WDFY4: variants seen among roughly 807,000 people sequenced by gnomAD.
WDFY4 encodes the protein WD repeat- and FYVE domain-containing protein 4.
A neutral mutation model predicts 351.9 loss-of-function variants in WDFY4; 169 were observed. That is an observed-to-expected ratio of 0.48 (90% CI 0.42 to 0.55). The LOEUF (loss-of-function observed/expected upper bound fraction) is 0.55, where lower values mean the gene tolerates loss of function less well. Ranked by LOEUF, WDFY4 falls within the 20% of genes least tolerant of loss-of-function variation. The probability of loss-of-function intolerance (pLI) is 0.00; values close to 1 mark genes in which losing one functional copy is unlikely to be tolerated. For synonymous variants in WDFY4, 1,622 were observed against 1,574.6 expected (o/e 1.03, Z -0.71); for missense variants, 3,803 against 3,935.6 (o/e 0.97, Z 0.90).
At chr10:48,824,480 G>C (rs911996905) in intron 35 of WDFY4, among the ~76,000 whole-genome samples, 1 of 152,032 alleles carries the variant, frequency 6.6e-6, no homozygotes, top group Middle Eastern at 3.4e-3. Context: ...CAGAAATCTC[G>C]GGTCACCAAA....
intron 39 of WDFY4, among the ~76,000 whole-genome samples, chr10:48,832,980 G>A (rs991220470): frequency 6.6e-6 from 1 of 152,152 alleles, no homozygotes; most frequent in African/African-American, 2.4e-5. Context: ...CAGCAAAGGT[G>A]GACAGAAACA....
At chr10:48,956,018 A>C (rs1034684870) in intron 51 of WDFY4, among the ~76,000 whole-genome samples, 1 of 152,204 alleles carries the variant, frequency 6.6e-6, no homozygotes, top group Non-Finnish European at 1.5e-5. Flanking sequence ...CCAAGGCTCA[A>C]TTTCAGAAAC....
At chr10:48,932,828 C>T (rs2377631) in intron 47 of WDFY4, among the ~76,000 whole-genome samples, 35,502 of 151,910 alleles carry the variant, frequency 0.23, 4,632 homozygotes, top group East Asian at 0.56. Flanking sequence ...TCTGAGAAAG[C>T]GACATCTGAG....
intron 54 of WDFY4, 24 bp from the exon 55 acceptor site, chr10:48,966,502 T>G: frequency 1.9e-6 from 3 of 1,547,828 alleles, no homozygotes; most frequent in Non-Finnish European, 2.6e-6. Context: ...TCCCCTCATG[T>G]GTGTCTGTTC....
At chr10:48,852,694 A>G (rs994379319) in intron 39 of WDFY4, among the ~76,000 whole-genome samples, 15 of 152,018 alleles carry the variant, frequency 9.9e-5, no homozygotes, top group African/African-American at 3.6e-4. Context: ...CCTCATCCCC[A>G]TCTGCAGCCA....
rs537633832 is a variant in WDFY4 at position 48,852,223 on chromosome 10, G to C, written c.6664-15042G>C. ...CCAGTGGGAAGGTGGAGATACACCGGGTGGAAATACATGAGAGAAAGACGC... is the reference window on the plus strand; with the variant it reads ...CCAGTGGGAAGGTGGAGATACACCGCGTGGAAATACATGAGAGAAAGACGC... On this transcript the variant is annotated intron_variant, in intron 39 of 61. Transcript: ENST00000325239. 1.2e-4 allele frequency among the ~76,000 whole-genome samples: 18 copies of C among 152,214 alleles called. No homozygotes were observed. In the East Asian group the frequency reaches 3.5e-3, roughly 29 times the overall value.
At chr10:48,696,465 G>T (rs570887081) in intron 1 of WDFY4, among the ~76,000 whole-genome samples, 3 of 152,210 alleles carry the variant, frequency 2.0e-5, no homozygotes, top group Admixed American at 2.0e-4. Context: ...TTGTGTCCTC[G>T]CCAGGGCCAA....
At chr10:48,689,538 A>G (rs879262848) in intron 1 of WDFY4, among the ~76,000 whole-genome samples, 5 of 152,272 alleles carry the variant, frequency 3.3e-5, no homozygotes, top group Non-Finnish European at 7.3e-5. Context: ...TACTTTAAAC[A>G]TTAATTTAAC....
In WDFY4 at chr10:48,891,084, C is replaced by T. The variant is rs75732840; in HGVS notation, c.7316+357C>T. On this transcript the variant is annotated intron_variant, in intron 44 of 61. Coordinates refer to ENST00000325239, the MANE Select transcript of WDFY4 (RefSeq NM_001394531.1). Reference sequence around the variant, plus strand: ...ATTCTGCGTGAGAAAACAGGCACCGCCCCTCTCTTCCGAGGGACTTAATGC... The same window carrying T: ...ATTCTGCGTGAGAAAACAGGCACCGTCCCTCTCTTCCGAGGGACTTAATGC... Among the ~76,000 whole-genome samples the T allele has an allele frequency of 3.4e-3, 517 of 152,328 alleles. 1 individual carries two copies. The highest frequency in any genetic ancestry group is 0.012 in the African/African-American group (497 of 41,570).
At chr10:48,751,007 C>G (rs757918326) in intron 12 of WDFY4, among the ~76,000 whole-genome samples, 2 of 152,226 alleles carry the variant, frequency 1.3e-5, no homozygotes, top group Non-Finnish European at 2.9e-5. Flanking sequence ...CTTGGACTCT[C>G]GTGCCTGGTG....
chr10:48,958,541 G>A (rs1841714314), intron 52 of WDFY4, among the ~76,000 whole-genome samples: 1 of 152,208 alleles, frequency 6.6e-6, no homozygotes. Context: ...GGCCAAGAGA[G>A]CAAATGTCCT....
intron 14 of WDFY4, among the ~76,000 whole-genome samples, chr10:48,775,330 G>T (rs1480807984): frequency 6.6e-6 from 1 of 152,220 alleles, no homozygotes; most frequent in African/African-American, 2.4e-5. Flanking sequence ...AGGAGCAAGT[G>T]TAGAGGGCGC....
At chr10:48,945,830 CCCT>C (rs1463772855) in intron 49 of WDFY4, among the ~76,000 whole-genome samples, 1 of 152,186 alleles carries the variant, frequency 6.6e-6, no homozygotes, top group African/African-American at 2.4e-5. Flanking sequence ...CTCAGTCTTC[CCCT>C]CCTCTTATTT....
At chr10:48,690,438 C>T (rs1382334901) in intron 1 of WDFY4, among the ~76,000 whole-genome samples, 1 of 152,112 alleles carries the variant, frequency 6.6e-6, no homozygotes, top group African/African-American at 2.4e-5. Flanking sequence ...GGCACCTTTG[C>T]CTGAGTTCTT....
intron 40 of WDFY4, among the ~76,000 whole-genome samples, chr10:48,870,406 G>T (rs1219520000): frequency 6.6e-6 from 1 of 152,138 alleles, no homozygotes; most frequent in Non-Finnish European, 1.5e-5. Flanking sequence ...GCCATGTATA[G>T]TGGCACCTTT....
chr10:48,795,520 TATAC>T lies in WDFY4; in HGVS notation c.4258-774_4258-771del, dbSNP rs1225007894. 3.0e-3 allele frequency among the ~76,000 whole-genome samples: 257 copies of T among 85,490 alleles called. 2 individuals are homozygous for T. Among genetic ancestry groups the T allele is most frequent in the African/African-American group, 0.013 (191 of 15,238 alleles). 56.1% of individuals were successfully genotyped at this position (85,490 alleles called of 152,430 possible). A position where few individuals can be genotyped will look rare whatever the true frequency, so the allele number is the denominator to read the frequency against. ...ATATATATATATATATATATATATA[TATAC>T]ATATATATATACACACACATGAATA... On this transcript the variant is annotated intron_variant, in intron 23 of 61. Coordinates refer to ENST00000325239, the MANE Select transcript of WDFY4 (RefSeq NM_001394531.1).
chr10:48,704,544 C>G (rs1037328299), intron 1 of WDFY4, among the ~76,000 whole-genome samples: 1 of 152,222 alleles, frequency 6.6e-6, no homozygotes, highest in African/African-American at 2.4e-5. Context: ...CCCCTAAAAG[C>G]CCACCTGTCC....
chr10:48,761,935 C>T (rs1200842318), intron 13 of WDFY4, among the ~76,000 whole-genome samples: 6 of 152,318 alleles, frequency 3.9e-5, no homozygotes, highest in African/African-American at 1.2e-4. Flanking sequence ...TCAGACAATG[C>T]ACATGACTCT....
chr10:48,817,465 CAAGGGCA>C, intron 32 of WDFY4, 56 bp downstream of exon 32: 1 of 1,488,036 alleles, frequency 6.7e-7, no homozygotes, highest in Middle Eastern at 1.7e-4. Context: ...CATCATCCTT[CAAGGGCA>C]AAGGGCAAAA....
Sources: gnomAD v4.1 joint callset for allele counts (sites outside exome capture counted in the v4.1 genomes callset) on GRCh38, gnomAD v4.1.1 for gene constraint, MANE v1.5 for transcripts, NCBI Gene and HGNC (gene_info 2026-07-23, HGNC 2026-07-21) for gene names.